Variants in NUMB observed in about 807,000 individuals in gnomAD.
NUMB encodes protein numb homolog.
A neutral mutation model predicts 59.7 loss-of-function variants in NUMB; 29 were observed. The observed-to-expected ratio is 0.49, with a 90% confidence interval of 0.36 to 0.66. The LOEUF is 0.66. NUMB is among the 30% of genes least tolerant of loss of function. The pLI, the probability that NUMB is intolerant of heterozygous loss-of-function variation, is 0.00. For synonymous variants in NUMB, 288 were observed against 288.2 expected (o/e 1.00, Z 0.01); for missense variants, 723 against 822.0 (o/e 0.88, Z 1.47).
rs572513242 is a variant in NUMB at position 73,277,180 on chromosome 14, G to A, written c.1354C>T (p.Arg452Trp). 27 of 1,613,898 alleles carry A rather than the reference G, an allele frequency of 1.7e-5. No individual in the cohort carries two copies. The highest frequency in any genetic ancestry group is 6.7e-5 in the African/African-American group (5 of 74,994). The stretch of plus-strand genomic sequence containing the variant: ...GCTGAGGCCTGGGGCTGCTGAGCCC[G>A]GACGCTCTTAGACACCTCTTCTAAC... ...RWLEEVSKSV[R>W]AQQPQASAAP... Residue 452 changes from arginine (R) to tryptophan (W), a missense_variant, in exon 13 of 13, where the codon CGG becomes TGG. Arg to Trp is a moderately radical substitution (Grantham distance 101, BLOSUM62 -3). Transcript: ENST00000555238.
At chr14:73,299,221 T>C (rs930529222) in intron 6 of NUMB, 2 of 152,104 alleles carry the variant, frequency 1.3e-5, no homozygotes, top group African/African-American at 4.8e-5. Context: ...TAATGGGAGA[T>C]AGAGTAGGAA....
intron 2 of NUMB, among the ~76,000 whole-genome samples, chr14:73,376,105 AG>A (rs1894933441): frequency 6.6e-6 from 1 of 152,230 alleles, no homozygotes; most frequent in Admixed American, 6.5e-5. Flanking sequence ...AAAGTTAGAA[AG>A]AAAACTGTTT....
intron 1 of NUMB, among the ~76,000 whole-genome samples, chr14:73,450,219 A>G (rs1028938861): frequency 6.6e-6 from 1 of 152,256 alleles, no homozygotes; most frequent in African/African-American, 2.4e-5. Flanking sequence ...CCTGATGTGG[A>G]GGATAGCATA....
intron 4 of NUMB, among the ~76,000 whole-genome samples, chr14:73,341,885 G>A (rs1007030928): frequency 1.3e-5 from 2 of 152,118 alleles, no homozygotes; most frequent in African/African-American, 4.8e-5. Flanking sequence ...AGCTACTAGA[G>A]TTCAAATCCT....
chr14:73,430,911 C>A (rs1347450792), intron 1 of NUMB, among the ~76,000 whole-genome samples: 1 of 151,846 alleles, frequency 6.6e-6, no homozygotes, highest in Admixed American at 6.6e-5. Flanking sequence ...CGCCACTGCA[C>A]TCCAGCCTGG....
At chr14:73,316,317 T>A (rs1435636523) in intron 6 of NUMB, 73 bp downstream of exon 6, 13 of 1,329,540 alleles carry the variant, frequency 9.8e-6, no homozygotes, top group Admixed American at 3.5e-5. Context: ...GTACTAGTTT[T>A]AAAAAATATG....
rs200849022 is a variant in NUMB at position 73,405,788 on chromosome 14, G to T, written c.-101+4149C>A. Among the ~76,000 whole-genome samples, 30 of 151,744 alleles carry T rather than the reference G, an allele frequency of 2.0e-4. No homozygotes were observed. The East Asian group carries it at 2.1e-3, about 11-fold the overall frequency. On this transcript the variant is annotated intron_variant, in intron 2 of 12. Coordinates refer to ENST00000555238, the MANE Select transcript of NUMB (RefSeq NM_001005743.2). Reference sequence around the variant, plus strand: ...GGCAGGACAAACTCTGTTGTTTTGGGTTTTTTTTCTTCTCTCTCTGTCCAT... The same window carrying T: ...GGCAGGACAAACTCTGTTGTTTTGGTTTTTTTTTCTTCTCTCTCTGTCCAT...
chr14:73,323,089 G>A (rs1891489243), intron 5 of NUMB, 41 bp downstream of exon 5: 1 of 1,441,850 alleles, frequency 6.9e-7, no homozygotes, highest in Non-Finnish European at 9.7e-7. Context: ...AGAAAATATT[G>A]ATAGCATATA....
intron 4 of NUMB, among the ~76,000 whole-genome samples, chr14:73,324,183 G>A (rs916632678): frequency 2.0e-5 from 3 of 152,192 alleles, no homozygotes; most frequent in Non-Finnish European, 2.9e-5. Flanking sequence ...CTATTCTTCT[G>A]AGGGCTGCTC....
chr14:73,352,595 C>A lies in NUMB; in HGVS notation c.126+3031G>T, dbSNP rs1193995898. On this transcript the variant is annotated intron_variant, in intron 4 of 12. Transcript: ENST00000555238. ...TGTCGCCCAGGCTGGAGTGCAGTGG[C>A]ACAATCTCGGCTCACTTCAAGCTTC... Among the ~76,000 whole-genome samples, 3 of 132,250 alleles carry A rather than the reference C, an allele frequency of 2.3e-5. No homozygotes were observed. The Admixed American group carries it at 2.4e-4, about 11-fold the overall frequency. The allele number at this position is 132,250 out of a possible 152,430, so 86.8% of individuals were successfully genotyped here.
intron 2 of NUMB, among the ~76,000 whole-genome samples, chr14:73,402,998 GC>G (rs1896490956): frequency 6.6e-6 from 1 of 152,080 alleles, no homozygotes; most frequent in South Asian, 2.1e-4. Context: ...TACTCAAAAG[GC>G]CATTCCCAAA....
chr14:73,399,621 C>T (rs2140114288), intron 2 of NUMB, among the ~76,000 whole-genome samples: 1 of 152,204 alleles, frequency 6.6e-6, no homozygotes, highest in East Asian at 1.9e-4. Flanking sequence ...CAGTGGCTGA[C>T]ATCTGTAATT....
chr14:73,284,049 G>T (rs1475130818), intron 10 of NUMB, 32 bp downstream of exon 10: 2 of 1,598,804 alleles, frequency 1.3e-6, no homozygotes, highest in Non-Finnish European at 1.7e-6. Context: ...CAGTGCTCGA[G>T]TACCCAGTGA....
intron 11 of NUMB, among the ~76,000 whole-genome samples, chr14:73,280,686 A>ATTTT (rs397852698): frequency 1.9e-3 from 170 of 87,658 alleles, no homozygotes; most frequent in East Asian, 2.7e-3. Context: ...TGTTGGTACT[A>ATTTT]TTTTTTTTTT....
intron 5 of NUMB, among the ~76,000 whole-genome samples, chr14:73,316,978 T>G (rs890797688): frequency 1.3e-5 from 2 of 152,228 alleles, no homozygotes; most frequent in African/African-American, 4.8e-5. Flanking sequence ...TACTTTTTTC[T>G]TAGTGAGTTC....
intron 7 of NUMB, 34 bp from the exon 8 acceptor site, chr14:73,292,908 T>G: frequency 6.2e-7 from 1 of 1,609,522 alleles, no homozygotes; most frequent in East Asian, 2.2e-5. Context: ...AAGAGAAGAC[T>G]TATGAGGTTA....
At chr14:73,370,237 C>T (rs1371849456) in intron 2 of NUMB, among the ~76,000 whole-genome samples, 1 of 152,094 alleles carries the variant, frequency 6.6e-6, no homozygotes, top group Non-Finnish European at 1.5e-5. Context: ...GAACAAAGGC[C>T]ATCTAATTTT....
At position 73,452,085 on chromosome 14, in the gene NUMB, C is replaced by T. The variant is rs142926189; in HGVS notation, c.-233+6408G>A. On this transcript the variant is annotated intron_variant, in intron 1 of 12. Transcript: ENST00000555238. The stretch of plus-strand genomic sequence containing the variant: ...CCCCCCAAAAAAAAAACTGGCCAGG[C>T]GTGGTGGCTCACGCCTGGAATCCCA... Among the ~76,000 whole-genome samples the T allele has an allele frequency of 7.2e-5, 11 of 152,092 alleles. No individual in the cohort carries two copies. The East Asian group carries it at 7.7e-4, about 11-fold the overall frequency.
At chr14:73,434,142 T>C (rs143513980) in intron 1 of NUMB, among the ~76,000 whole-genome samples, 1 of 152,274 alleles carries the variant, frequency 6.6e-6, no homozygotes, top group Non-Finnish European at 1.5e-5. Flanking sequence ...TACTGCACAA[T>C]GATATGCTCA....
Sources: allele counts gnomAD v4.1 joint callset (sites outside exome capture counted in the v4.1 genomes callset), GRCh38; gene constraint gnomAD v4.1.1; transcripts MANE v1.5; gene names NCBI Gene and HGNC (gene_info 2026-07-23, HGNC 2026-07-21).